Variants in CLIC4 observed in about 807,000 individuals in gnomAD.
CLIC4 encodes the protein chloride intracellular channel protein 4.
Under a neutral mutation model 24.6 loss-of-function variants are expected in CLIC4, and 13 were observed. That is an observed-to-expected ratio of 0.53 (90% CI 0.34 to 0.84). The LOEUF is 0.84. Among genes scored for constraint, CLIC4 ranks in the 40% least tolerant of loss-of-function variants. CLIC4 has a pLI of 0.01. For missense variants in CLIC4, 227 were observed against 301.7 expected (o/e 0.75, Z 1.83); for synonymous variants, 104 against 111.3 (o/e 0.93, Z 0.41).
intron 2 of CLIC4, among the ~76,000 whole-genome samples, chr1:24,812,552 A>G (rs1030443631): frequency 1.3e-5 from 2 of 152,096 alleles, no homozygotes; most frequent in Admixed American, 6.5e-5. Flanking sequence ...TCCTCATTCT[A>G]TCACTATCTC....
chr1:24,828,226 A>T (rs1452561212), intron 4 of CLIC4, among the ~76,000 whole-genome samples: 7 of 152,220 alleles, frequency 4.6e-5, no homozygotes. Flanking sequence ...GATTTTTGGA[A>T]TAATACTTAA....
intron 2 of CLIC4, among the ~76,000 whole-genome samples, chr1:24,808,676 A>AC (rs1639581401): frequency 9.4e-6 from 1 of 105,828 alleles, no homozygotes; most frequent in Non-Finnish European, 2.2e-5. Flanking sequence ...TCTATCTATA[A>AC]AATTTTTTTT....
chr1:24,789,922 A>G (rs909938067), intron 1 of CLIC4, among the ~76,000 whole-genome samples: 1 of 152,108 alleles, frequency 6.6e-6, no homozygotes, highest in African/African-American at 2.4e-5. Context: ...ATCTTGTTTA[A>G]TCCTTCTCTT....
intron 1 of CLIC4, among the ~76,000 whole-genome samples, chr1:24,753,207 A>G (rs1254653056): frequency 6.6e-6 from 1 of 152,196 alleles, no homozygotes; most frequent in Non-Finnish European, 1.5e-5. Context: ...ACTTTATATA[A>G]GCAAGGTATA....
At chr1:24,820,868 C>T (rs1176528330) in intron 3 of CLIC4, among the ~76,000 whole-genome samples, 2 of 152,140 alleles carry the variant, frequency 1.3e-5, no homozygotes, top group Non-Finnish European at 2.9e-5. Flanking sequence ...TATTCTCTTA[C>T]ATCCTTCAGC....
chr1:24,794,879 AG>A (rs1639381694), intron 1 of CLIC4, among the ~76,000 whole-genome samples: 1 of 152,188 alleles, frequency 6.6e-6, no homozygotes, highest in Admixed American at 6.5e-5. Flanking sequence ...GTATGGTATA[AG>A]GAAGGAATCC....
chr1:24,803,148 G>A (rs1639508823), intron 2 of CLIC4, among the ~76,000 whole-genome samples: 1 of 152,116 alleles, frequency 6.6e-6, no homozygotes, highest in South Asian at 2.1e-4. Flanking sequence ...TATCACAGAG[G>A]AATAAAACAT....
intron 1 of CLIC4, among the ~76,000 whole-genome samples, chr1:24,783,125 A>G (rs1639224919): frequency 3.9e-5 from 6 of 152,198 alleles, no homozygotes. Flanking sequence ...TTTTATCCCC[A>G]AATACTTCAG....
intron 1 of CLIC4, among the ~76,000 whole-genome samples, chr1:24,767,981 C>A (rs1485839204): frequency 6.6e-6 from 1 of 151,932 alleles, no homozygotes; most frequent in African/African-American, 2.4e-5. Context: ...GCTGGGATTA[C>A]AGGCGCTTGC....
intron 1 of CLIC4, among the ~76,000 whole-genome samples, chr1:24,746,851 C>T (rs1638705944): frequency 6.6e-6 from 1 of 152,086 alleles, no homozygotes; most frequent in South Asian, 2.1e-4. Context: ...CAAAAATTAG[C>T]TGGGAGCGAT....
intron 1 of CLIC4, among the ~76,000 whole-genome samples, chr1:24,789,892 A>G (rs1340994868): frequency 6.6e-6 from 1 of 152,082 alleles, no homozygotes; most frequent in African/African-American, 2.4e-5. Flanking sequence ...ACATTTTCAT[A>G]CTATGTTAAG....
intron 3 of CLIC4, among the ~76,000 whole-genome samples, chr1:24,817,128 A>G (rs1639679441): frequency 6.6e-6 from 1 of 152,212 alleles, no homozygotes; most frequent in Non-Finnish European, 1.5e-5. Context: ...TGTCTGCATT[A>G]AAAATCTGTT....
At chr1:24,795,078 G>A (rs574251559) in intron 1 of CLIC4, among the ~76,000 whole-genome samples, 41 of 152,152 alleles carry the variant, frequency 2.7e-4, no homozygotes, top group Admixed American at 2.6e-3. Flanking sequence ...TAACTATTGG[G>A]CTCTAGGCTT....
chr1:24,745,538 C>T lies in CLIC4; in HGVS notation c.-16C>T. 1 of 1,576,838 alleles carries T rather than the reference C, an allele frequency of 6.3e-7. No homozygotes were observed. The highest frequency in any genetic ancestry group is 8.6e-7 in the Non-Finnish European group (1 of 1,165,342). On this transcript the variant is annotated 5_prime_UTR_variant, in exon 1 of 6. Coordinates refer to ENST00000374379, the MANE Select transcript of CLIC4 (RefSeq NM_013943.3). ...GCAGCAGCCCTCGCCGTTCGCGGAG[C>T]GCAGCCGAGCCGGCCATGGCGTTGT...
At chr1:24,784,439 C>CAGGATTAACTAGATTAATCCTGTGA (rs1553191035) in intron 1 of CLIC4, among the ~76,000 whole-genome samples, 2 of 152,134 alleles carry the variant, frequency 1.3e-5, no homozygotes, top group Non-Finnish European at 2.9e-5. Context: ...AAGAGGATAT[C>CAGGATTAACTAGATTAATCCTGTGA]AGGATTAACT....
intron 3 of CLIC4, among the ~76,000 whole-genome samples, chr1:24,818,081 A>C (rs1246185398): frequency 6.6e-6 from 1 of 152,214 alleles, no homozygotes; most frequent in African/African-American, 2.4e-5. Flanking sequence ...GTTTTGAAAT[A>C]TTGCGAAAAA....
At chr1:24,810,007 C>T (rs1639596129) in intron 2 of CLIC4, among the ~76,000 whole-genome samples, 1 of 152,208 alleles carries the variant, frequency 6.6e-6, no homozygotes, top group African/African-American at 2.4e-5. Flanking sequence ...AAACCCAATT[C>T]AGTTATCAAG....
At chr1:24,813,961 C>A in intron 2 of CLIC4, 133 bp from the exon 3 acceptor site, 5 of 962,912 alleles carry the variant, frequency 5.2e-6, no homozygotes, top group Non-Finnish European at 6.5e-6. Flanking sequence ...TAAGCAGTGT[C>A]CCACCTCAGC....
chr1:24,836,711 G>A (rs566084275), intron 4 of CLIC4, among the ~76,000 whole-genome samples: 99 of 152,268 alleles, frequency 6.5e-4, no homozygotes, highest in Non-Finnish European at 1.2e-3. Context: ...AGTGGCATGT[G>A]CCTATAGTCC....
Sources: allele counts gnomAD v4.1 joint callset (sites outside exome capture counted in the v4.1 genomes callset), GRCh38; gene constraint gnomAD v4.1.1; transcripts MANE v1.5; gene names NCBI Gene and HGNC (gene_info 2026-07-23, HGNC 2026-07-21).